Variants in WDR88 observed in about 807,000 individuals in gnomAD.
The protein encoded by WDR88 is WD repeat domain 88.
In WDR88, 40 loss-of-function variants were observed where a neutral mutation model predicts 46.8. The ratio of observed to expected loss-of-function variants is 0.86; its 90% CI spans 0.66 to 1.11. The LOEUF (loss-of-function observed/expected upper bound fraction) is 1.11, where lower values mean the gene tolerates loss of function less well. WDR88 is among the 50% of genes most tolerant of loss of function. The pLI is 0.00. For synonymous variants in WDR88, 235 were observed against 240.7 expected, an observed-to-expected ratio of 0.98 and a Z score of 0.22; for missense variants, 562 against 602.4, an observed-to-expected ratio of 0.93 and a Z score of 0.70.
intron 10 of WDR88, chr19:33,174,312 C>T (rs1048528064): frequency 1.2e-5 from 19 of 1,521,732 alleles, no homozygotes; most frequent in South Asian, 2.4e-5. Flanking sequence ...GTTTACCCCC[C>T]TCTCCAGCAG....
intron 1 of WDR88, 70 bp downstream of exon 1, chr19:33,132,515 C>A: frequency 6.4e-7 from 1 of 1,567,946 alleles, no homozygotes; most frequent in Non-Finnish European, 8.7e-7. Flanking sequence ...CTCGAGCTGT[C>A]GGGGGACCCA....
intron 8 of WDR88, 83 bp downstream of exon 8, chr19:33,160,579 A>AGC: frequency 6.9e-7 from 1 of 1,451,244 alleles, no homozygotes; most frequent in Non-Finnish European, 9.6e-7. Context: ...CTGGGGACAC[A>AGC]GCTGTGAGTG....
At chr19:33,133,723 T>C (rs1973187879) in intron 1 of WDR88, among the ~76,000 whole-genome samples, 1 of 152,128 alleles carries the variant, frequency 6.6e-6, no homozygotes, top group African/African-American at 2.4e-5. Context: ...ATCTGGCACC[T>C]CTCCATGTTC....
chr19:33,155,956 G>A (rs1326628670), intron 6 of WDR88, among the ~76,000 whole-genome samples: 2 of 152,232 alleles, frequency 1.3e-5, no homozygotes, highest in Admixed American at 6.5e-5. Flanking sequence ...GCCCAGTGCC[G>A]TGGCTCACGC....
chr19:33,147,877 A>G lies in WDR88; in HGVS notation c.540+169A>G, dbSNP rs141760335. 5.2e-3 allele frequency among the ~76,000 whole-genome samples: 796 copies of G among 152,208 alleles called. 8 individuals are homozygous for G. Among genetic ancestry groups the G allele is most frequent in the African/African-American group, 0.018 (739 of 41,550 alleles). On this transcript the variant is annotated intron_variant, in intron 4 of 10. Coordinates refer to ENST00000355868, the MANE Select transcript of WDR88 (RefSeq NM_173479.4). The stretch of plus-strand genomic sequence containing the variant: ...TACAGATGTGAACTGCACCCACAAC[A>G]GCCATTGCTTGCAAAAAGTCTGGAG...
chr19:33,174,164 C>G, intron 10 of WDR88: 1 of 1,536,072 alleles, frequency 6.5e-7, no homozygotes, highest in Non-Finnish European at 8.7e-7. Context: ...GGGATCTAAT[C>G]TATTTCTTGC....
chr19:33,158,380 T>G (rs1297891605), intron 7 of WDR88, among the ~76,000 whole-genome samples: 3 of 151,732 alleles, frequency 2.0e-5, no homozygotes, highest in Non-Finnish European at 4.4e-5. Flanking sequence ...ATTGTGCCAC[T>G]GCGCTCCTAC....
chr19:33,163,577 T>C (rs564590270), intron 8 of WDR88, among the ~76,000 whole-genome samples: 1 of 152,070 alleles, frequency 6.6e-6, no homozygotes, highest in African/African-American at 2.4e-5. Flanking sequence ...TCTTTACACT[T>C]TGTATTCCAC....
chr19:33,148,823 GGTAAATAC>G lies in WDR88; in HGVS notation c.595_602del (p.Lys199GlyfsTer38). ...CGTCTCCTGTAAGTTTTCTCCTGAT[GGTAAATAC>G]GTGGTCTCAGGCTTCGACGTGGATC... is the stretch of plus-strand genomic sequence containing the variant. On this transcript the variant is annotated frameshift_variant, in exon 5 of 11. Transcript: ENST00000355868. LOFTEE classifies it high-confidence loss of function. The G allele has an allele frequency of 6.2e-7, 1 of 1,614,104 alleles. No individual in the cohort carries two copies. The highest frequency in any genetic ancestry group is 8.5e-7 in the Non-Finnish European group (1 of 1,180,032).
intron 1 of WDR88, among the ~76,000 whole-genome samples, chr19:33,135,924 C>A (rs1973256527): frequency 6.6e-6 from 1 of 151,802 alleles, no homozygotes; most frequent in Admixed American, 6.6e-5. Flanking sequence ...AAGTCTTGCT[C>A]TGTCACCCAG....
At chr19:33,132,850 T>A (rs946954095) in intron 1 of WDR88, among the ~76,000 whole-genome samples, 3 of 152,040 alleles carry the variant, frequency 2.0e-5, no homozygotes, top group Non-Finnish European at 4.4e-5. Flanking sequence ...AACGGGAAAC[T>A]CAGAATAATA....
At chr19:33,152,147 G>C (rs939014945) in intron 6 of WDR88, among the ~76,000 whole-genome samples, 26 of 152,028 alleles carry the variant, frequency 1.7e-4, no homozygotes, top group African/African-American at 6.0e-4. Flanking sequence ...AAGGAGAATA[G>C]CTTGAATCCG....
intron 9 of WDR88, 127 bp from the exon 10 acceptor site, chr19:33,172,221 T>C: frequency 1.4e-6 from 1 of 735,130 alleles, no homozygotes; most frequent in Admixed American, 2.5e-5. Flanking sequence ...GGCATAACAA[T>C]GTGCATTGAA....
At chr19:33,134,631 G>A (rs901011807) in intron 1 of WDR88, among the ~76,000 whole-genome samples, 3 of 152,088 alleles carry the variant, frequency 2.0e-5, no homozygotes, top group African/African-American at 4.8e-5. Flanking sequence ...CCCGGGGACT[G>A]GGGCCGCTCC....
chr19:33,156,501 G>C lies in WDR88; in HGVS notation c.956G>C (p.Gly319Ala), dbSNP rs930942136. The C allele has an allele frequency of 6.2e-7, 1 of 1,614,108 alleles. No individual in the cohort carries two copies. The highest frequency in any genetic ancestry group is 8.5e-7 in the Non-Finnish European group (1 of 1,180,026). The change falls in exon 7 of 11, where the codon GGC becomes GCC. Residue 319 changes from glycine to alanine, a missense_variant. Coordinates refer to ENST00000355868, the MANE Select transcript of WDR88 (RefSeq NM_173479.4). Reference sequence around the variant, plus strand: ...GGAGCCTGTGTGACTCTGATGCAGGGCCATGAAGGTTCTGTCAGTTCCTGT... The same window carrying C: ...GGAGCCTGTGTGACTCTGATGCAGGCCCATGAAGGTTCTGTCAGTTCCTGT... Reference protein sequence around the residue: ...NCGACVTLMQGHEGSVSSCHF... With the variant: ...NCGACVTLMQAHEGSVSSCHF...
chr19:33,140,092 A>G (rs758910111), intron 2 of WDR88, among the ~76,000 whole-genome samples: 4 of 152,164 alleles, frequency 2.6e-5, no homozygotes, highest in Non-Finnish European at 5.9e-5. Context: ...TCTTGTTAGA[A>G]AAACTGCTGG....
intron 6 of WDR88, among the ~76,000 whole-genome samples, 158 bp from the exon 7 acceptor site, chr19:33,156,197 C>G (rs1973730891): frequency 6.6e-6 from 1 of 152,134 alleles, no homozygotes; most frequent in Non-Finnish European, 1.5e-5. Context: ...AGATGCTGAC[C>G]CCCACTTAGG....
chr19:33,153,112 G>A (rs116194503), intron 6 of WDR88, among the ~76,000 whole-genome samples: 183 of 152,102 alleles, frequency 1.2e-3, no homozygotes, highest in African/African-American at 4.2e-3. Flanking sequence ...GTGCAGTGAC[G>A]TGATCATAGC....
At chr19:33,167,467 G>C (rs1460284761) in intron 9 of WDR88, among the ~76,000 whole-genome samples, 2 of 152,144 alleles carry the variant, frequency 1.3e-5, no homozygotes, top group Non-Finnish European at 2.9e-5. Context: ...ATGATTCTCA[G>C]TGGTAAAAGA....
Sources: allele counts gnomAD v4.1 joint callset (sites outside exome capture counted in the v4.1 genomes callset), GRCh38; gene constraint gnomAD v4.1.1; transcripts MANE v1.5; gene names NCBI Gene and HGNC (gene_info 2026-07-23, HGNC 2026-07-21).